PTK2: variants seen among roughly 807,000 people sequenced by gnomAD.
PTK2 encodes the protein protein tyrosine kinase 2, also known as focal adhesion kinase 1.
A neutral mutation model predicts 150.1 loss-of-function variants in PTK2; 45 were observed. The ratio of observed to expected loss-of-function variants is 0.30; its 90% CI spans 0.24 to 0.38. The LOEUF (loss-of-function observed/expected upper bound fraction) is 0.38, where lower values mean the gene tolerates loss of function less well. Ranked by LOEUF, PTK2 falls within the 10% of genes least tolerant of loss-of-function variation. The pLI is 1.00. For synonymous variants in PTK2, 432 were observed against 449.2 expected (o/e 0.96, Z 0.48); for missense variants, 919 against 1,307.3 (o/e 0.70, Z 4.58).
At chr8:140,794,611 A>C (rs1371544593) in intron 12 of PTK2, among the ~76,000 whole-genome samples, 4 of 152,090 alleles carry the variant, frequency 2.6e-5, no homozygotes, top group Non-Finnish European at 5.9e-5. Context: ...TGTCCTTCTG[A>C]GAGCTTCCCA....
chr8:140,777,005 GTTC>G (rs568557457), intron 14 of PTK2, among the ~76,000 whole-genome samples: 117 of 152,306 alleles, frequency 7.7e-4, no homozygotes, highest in African/African-American at 2.6e-3. Context: ...CACATAAAGA[GTTC>G]TTCTATCATA....
chr8:140,943,918 A>C (rs2100176744), intron 1 of PTK2, among the ~76,000 whole-genome samples: 1 of 152,228 alleles, frequency 6.6e-6, no homozygotes, highest in Admixed American at 6.5e-5. Flanking sequence ...TTTTTCATTG[A>C]AATTTTTATT....
At chr8:140,867,154 A>T (rs1007901495) in intron 4 of PTK2, among the ~76,000 whole-genome samples, 5 of 152,140 alleles carry the variant, frequency 3.3e-5, no homozygotes, top group Admixed American at 2.0e-4. Context: ...ATGAGAAAGC[A>T]AGTCAATGGC....
At chr8:140,941,266 G>A (rs942303989) in intron 1 of PTK2, among the ~76,000 whole-genome samples, 4 of 152,158 alleles carry the variant, frequency 2.6e-5, no homozygotes, top group African/African-American at 9.7e-5. Flanking sequence ...AGAACAATCA[G>A]CAATCTCCCT....
intron 2 of PTK2, among the ~76,000 whole-genome samples, chr8:140,902,934 T>TGTTTTG (rs2100159202): frequency 7.4e-6 from 1 of 134,242 alleles, no homozygotes; most frequent in East Asian, 2.2e-4. Flanking sequence ...GTTTTTTTTT[T>TGTTTTG]TTTTTTTTTT....
At chr8:140,756,156 C>T (rs1293067760) in intron 16 of PTK2, among the ~76,000 whole-genome samples, 3 of 151,754 alleles carry the variant, frequency 2.0e-5, no homozygotes, top group East Asian at 1.9e-4. Flanking sequence ...AACCCTGTCT[C>T]TACTAAAAAT....
chr8:140,806,548 C>T (rs941541109), intron 10 of PTK2, among the ~76,000 whole-genome samples: 1 of 152,086 alleles, frequency 6.6e-6, no homozygotes, highest in South Asian at 2.1e-4. Context: ...CACAGTAAGA[C>T]ATCTAGGTTA....
At position 140,800,682 on chromosome 8, in the gene PTK2, G is replaced by A. The variant is rs41288628; in HGVS notation, c.976-106C>T. ...TCTCTATACACTTGAAAACAGAGAA[G>A]AGTGGGAATGAAACAAGATTTGTCA... On this transcript the variant is annotated intron_variant, in intron 11 of 31. Transcript: ENST00000522684. 6.2e-4 allele frequency: 487 copies of A among 790,748 alleles called. 1 individual carries two copies. Among genetic ancestry groups the A allele is most frequent in the Non-Finnish European group, 9.4e-4 (444 of 472,022 alleles). The allele number at this position is 790,748 out of a possible 1,614,324, so 49.0% of individuals were successfully genotyped here. A position where few individuals can be genotyped will look rare whatever the true frequency, so the allele number is the denominator to read the frequency against.
At chr8:140,998,544 C>T (rs113656176) in intron 1 of PTK2, among the ~76,000 whole-genome samples, 2 of 151,842 alleles carry the variant, frequency 1.3e-5, no homozygotes, top group African/African-American at 2.4e-5. Context: ...TCAGGCCAGG[C>T]GCAGTGGCTC....
intron 21 of PTK2, among the ~76,000 whole-genome samples, chr8:140,738,676 G>T (rs2100053942): frequency 6.6e-6 from 1 of 152,112 alleles, no homozygotes. Flanking sequence ...CATATGAAAG[G>T]AACGAATGAG....
intron 2 of PTK2, among the ~76,000 whole-genome samples, chr8:140,914,175 C>T (rs1002490125): frequency 3.9e-5 from 6 of 151,986 alleles, no homozygotes; most frequent in East Asian, 1.9e-4. Flanking sequence ...ATGTGAGCTA[C>T]GAATCAATGA....
At chr8:140,702,765 T>C in intron 24 of PTK2, 58 bp from the exon 28 acceptor site, 2 of 1,547,920 alleles carry the variant, frequency 1.3e-6, no homozygotes, top group Non-Finnish European at 1.8e-6. Context: ...ACAGTTCTGC[T>C]TCACACACAA....
At chr8:140,967,950 C>T (rs1483145391) in intron 1 of PTK2, among the ~76,000 whole-genome samples, 1 of 152,094 alleles carries the variant, frequency 6.6e-6, no homozygotes, top group East Asian at 1.9e-4. Flanking sequence ...TTCTGAAAAA[C>T]CAAAAATACA....
chr8:140,962,135 C>T (rs1354978926), intron 1 of PTK2, among the ~76,000 whole-genome samples: 1 of 150,586 alleles, frequency 6.6e-6, no homozygotes, highest in East Asian at 2.0e-4. Context: ...ACAGGGGAAT[C>T]GCTTGAATCC....
chr8:140,800,365 A>C, intron 12 of PTK2, 94 bp downstream of exon 12: 5 of 983,094 alleles, frequency 5.1e-6, no homozygotes. Flanking sequence ...TCATTTTTAC[A>C]GTTACCTAAA....
At chr8:140,895,875 A>G (rs1021588375) in intron 2 of PTK2, among the ~76,000 whole-genome samples, 2 of 152,154 alleles carry the variant, frequency 1.3e-5, no homozygotes, top group Non-Finnish European at 2.9e-5. Flanking sequence ...AAATTTAATT[A>G]AAAAAGAATG....
intron 3 of PTK2, among the ~76,000 whole-genome samples, chr8:140,881,607 G>A (rs554577586): frequency 6.6e-6 from 1 of 152,256 alleles, no homozygotes; most frequent in East Asian, 1.9e-4. Flanking sequence ...TCTGCCTCAG[G>A]TCACTTGGTC....
At chr8:140,778,996 C>T (rs2100080052) in intron 14 of PTK2, among the ~76,000 whole-genome samples, 1 of 152,022 alleles carries the variant, frequency 6.6e-6, no homozygotes, top group South Asian at 2.1e-4. Flanking sequence ...CACAGTGGGT[C>T]ACACCTGTAA....
At chr8:140,936,964 C>T (rs778520449) in intron 1 of PTK2, among the ~76,000 whole-genome samples, 6 of 151,832 alleles carry the variant, frequency 4.0e-5, no homozygotes, top group Admixed American at 6.6e-5. Flanking sequence ...TTTTGGGATA[C>T]GGCCTTTCCA....
Sources: gnomAD v4.1 joint callset for allele counts (sites outside exome capture counted in the v4.1 genomes callset) on GRCh38, gnomAD v4.1.1 for gene constraint, MANE v1.5 for transcripts, NCBI Gene and HGNC (gene_info 2026-07-23, HGNC 2026-07-21) for gene names.